WDR7: variants seen among roughly 807,000 people sequenced by gnomAD.
The protein encoded by WDR7 is WD repeat domain 7, also known as WD repeat-containing protein 7.
Under a neutral mutation model 169.4 loss-of-function variants are expected in WDR7, and 46 were observed. The ratio of observed to expected loss-of-function variants is 0.27; its 90% CI spans 0.21 to 0.35. The LOEUF (loss-of-function observed/expected upper bound fraction) is 0.35. Among genes scored for constraint, WDR7 ranks in the 10% least tolerant of loss-of-function variants. WDR7 has a pLI of 1.00. For synonymous variants in WDR7, 612 were observed against 666.8 expected (o/e 0.92, Z 1.27); for missense variants, 1,534 against 1,859.3 (o/e 0.83, Z 3.22).
At chr18:56,881,225 T>C (rs1020377681) in intron 21 of WDR7, among the ~76,000 whole-genome samples, 1 of 152,222 alleles carries the variant, frequency 6.6e-6, no homozygotes, top group Non-Finnish European at 1.5e-5. Context: ...CAAATACTTA[T>C]TAGTGATAAT....
intron 17 of WDR7, 90 bp downstream of exon 17, chr18:56,776,970 C>A: frequency 8.3e-7 from 1 of 1,209,194 alleles, no homozygotes; most frequent in Non-Finnish European, 1.2e-6. Flanking sequence ...CATTCATCTG[C>A]TTTGTTATGT....
intron 1 of WDR7, among the ~76,000 whole-genome samples, chr18:56,662,877 C>G (rs1431962849): frequency 1.3e-5 from 2 of 152,174 alleles, no homozygotes; most frequent in Non-Finnish European, 2.9e-5. Flanking sequence ...TGGGATCATT[C>G]TAGAACTAAA....
intron 11 of WDR7, 30 bp downstream of exon 11, chr18:56,695,228 T>C (rs1209661240): frequency 6.3e-7 from 1 of 1,597,482 alleles, no homozygotes; most frequent in East Asian, 2.2e-5. Context: ...ATGTCTAAAG[T>C]GTTTTGACAA....
chr18:56,854,508 C>T (rs372325017), intron 20 of WDR7, among the ~76,000 whole-genome samples: 12 of 152,320 alleles, frequency 7.9e-5, no homozygotes, highest in South Asian at 2.1e-4. Flanking sequence ...CCGTCCTCCT[C>T]GGCCTTTTAT....
chr18:56,898,505 G>C (rs1003150892), intron 21 of WDR7, among the ~76,000 whole-genome samples: 4 of 152,078 alleles, frequency 2.6e-5, no homozygotes, highest in African/African-American at 9.6e-5. Context: ...AACAAATGAT[G>C]AAGGGTAGCG....
chr18:56,937,962 T>A (rs1311768104), intron 23 of WDR7, among the ~76,000 whole-genome samples: 8 of 152,126 alleles, frequency 5.3e-5, no homozygotes. Context: ...GTGAAGAAAC[T>A]CATAAGGAAG....
At chr18:56,919,082 G>A (rs1301981538) in intron 21 of WDR7, among the ~76,000 whole-genome samples, 1 of 152,174 alleles carries the variant, frequency 6.6e-6, no homozygotes, top group African/African-American at 2.4e-5. Flanking sequence ...TCTAACATAA[G>A]CAGGGAAGAT....
intron 26 of WDR7, among the ~76,000 whole-genome samples, chr18:56,989,826 C>A (rs1324345898): frequency 5.9e-5 from 9 of 152,038 alleles, no homozygotes; most frequent in African/African-American, 2.2e-4. Context: ...TTATTTAAAC[C>A]TTGACTGCTC....
rs373107130 is a variant in WDR7, at chr18:56,966,250, C to T, written c.4164+3721C>T. Among the ~76,000 whole-genome samples, 283 of 152,116 alleles carry T rather than the reference C, an allele frequency of 1.9e-3. 1 individual carries two copies. Among genetic ancestry groups the T allele is most frequent in the African/African-American group, 6.2e-3 (256 of 41,486 alleles). On this transcript the variant is annotated intron_variant, in intron 26 of 27. Coordinates refer to ENST00000254442, the MANE Select transcript of WDR7 (RefSeq NM_015285.3). ...TTTGGACTGTGTGGGTTCACCTATA[C>T]GTGGATTTTTTTCAATAAAAGTTAC...
chr18:56,700,596 G>A (rs2025810637), intron 12 of WDR7, among the ~76,000 whole-genome samples: 2 of 118,878 alleles, frequency 1.7e-5, no homozygotes, highest in Admixed American at 2.0e-4. Flanking sequence ...TTGAGACGGA[G>A]TCTCGCTCTG....
At chr18:56,888,809 A>C (rs1010915605) in intron 21 of WDR7, among the ~76,000 whole-genome samples, 2 of 152,200 alleles carry the variant, frequency 1.3e-5, no homozygotes, top group African/African-American at 2.4e-5. Flanking sequence ...CCGAGGCAGC[A>C]GACTCCGAGG....
chr18:56,687,008 T>C (rs576095), intron 7 of WDR7, 34 bp downstream of exon 7: 1,551,190 of 1,577,220 alleles, frequency 0.98, 765,766 homozygotes, highest in East Asian at 1. Flanking sequence ...AGCTGTATTT[T>C]TATCCTTCAA....
chr18:56,774,271 G>A (rs1418489724), intron 16 of WDR7, among the ~76,000 whole-genome samples: 1 of 152,108 alleles, frequency 6.6e-6, no homozygotes, highest in African/African-American at 2.4e-5. Context: ...CTGTTGAGAA[G>A]CAGAATCTAG....
rs1040952589 is a variant in WDR7 at position 56,837,729 on chromosome 18, C to T, written c.3304+21585C>T. Among the ~76,000 whole-genome samples, 16 of 152,188 alleles carry T rather than the reference C, an allele frequency of 1.1e-4. No homozygotes were observed. In the East Asian group the frequency reaches 2.5e-3, roughly 24 times the overall value. ...GGTTGGAGTGCAATATGCGTGATCT[C>T]GGCTTACTGCAACCTCTGCCTCCTG... On this transcript the variant is annotated intron_variant, in intron 20 of 27. Coordinates refer to ENST00000254442, the MANE Select transcript of WDR7 (RefSeq NM_015285.3).
intron 22 of WDR7, among the ~76,000 whole-genome samples, chr18:56,930,256 C>T (rs2046863279): frequency 2.0e-5 from 3 of 152,212 alleles, no homozygotes; most frequent in African/African-American, 7.2e-5. Context: ...TTTTGAACTA[C>T]ATAGAATGCG....
In WDR7 at chr18:56,925,037, T is replaced by C. The variant is rs537579695; in HGVS notation, c.3713+929T>C. On this transcript the variant is annotated intron_variant, in intron 22 of 27. Transcript: ENST00000254442. Reference sequence around the variant, plus strand: ...ATAAACAGAACCATACAAACTGTGGTCCTTTGTGACTGGCTTCTTCACTGA... The same window carrying C: ...ATAAACAGAACCATACAAACTGTGGCCCTTTGTGACTGGCTTCTTCACTGA... 3.9e-5 allele frequency among the ~76,000 whole-genome samples: 6 copies of C among 152,334 alleles called. No individual in the cohort carries two copies. The South Asian group carries it at 1.2e-3, about 32-fold the overall frequency.
At chr18:56,994,002 A>G (rs189591569) in intron 26 of WDR7, among the ~76,000 whole-genome samples, 1 of 140,558 alleles carries the variant, frequency 7.1e-6, no homozygotes, top group Admixed American at 7.7e-5. Context: ...TTTTTCATCC[A>G]TTACTTTTTT....
intron 22 of WDR7, among the ~76,000 whole-genome samples, chr18:56,932,109 G>C (rs2145675675): frequency 1.3e-5 from 2 of 152,244 alleles, no homozygotes; most frequent in Middle Eastern, 3.4e-3. Flanking sequence ...CCTATGCCTT[G>C]ACCATCTCTC....
In WDR7 at chr18:56,885,562, T is replaced by C. The variant is rs1033324323; in HGVS notation, c.3526+5397T>C. On this transcript the variant is annotated intron_variant, in intron 21 of 27. Coordinates refer to ENST00000254442, the MANE Select transcript of WDR7 (RefSeq NM_015285.3). ...GAACTCAGCTGGGCGCGGTGGCTCA[T>C]GCCTGTAATCCCAGCACTTTGGGAG... Among the ~76,000 whole-genome samples, 8 of 151,952 alleles carry C rather than the reference T, an allele frequency of 5.3e-5. No homozygotes were observed. The East Asian group carries it at 1.6e-3, about 30-fold the overall frequency.
Sources: gnomAD v4.1 joint callset for allele counts (sites outside exome capture counted in the v4.1 genomes callset) on GRCh38, gnomAD v4.1.1 for gene constraint, MANE v1.5 for transcripts, NCBI Gene and HGNC (gene_info 2026-07-23, HGNC 2026-07-21) for gene names.